The following ARL13A variants were observed in gnomAD, a reference collection of about 807,000 sequenced individuals.
ARL13A encodes ARF like GTPase 13A.
Under a neutral mutation model 19.1 loss-of-function variants are expected in ARL13A, and 16 were observed. That is an observed-to-expected ratio of 0.84 (90% CI 0.57 to 1.27). The LOEUF is 1.27. Ranked by LOEUF, ARL13A falls within the 50% of genes most tolerant of loss-of-function variation. The pLI is 0.00. For missense variants in ARL13A, 153 were observed against 186.4 expected (o/e 0.82, Z 1.04); for synonymous variants, 69 against 71.3 (o/e 0.97, Z 0.17).
chrX:100,981,043 G>C (rs1262966496), intron 3 of ARL13A, among the ~76,000 whole-genome samples: 1 of 111,855 alleles, frequency 8.9e-6, no homozygotes, highest in Non-Finnish European at 1.9e-5. Context: ...TGGTGGGAGG[G>C]GTGACACAAG....
intron 3 of ARL13A, among the ~76,000 whole-genome samples, chrX:100,982,416 C>T (rs1434843326): frequency 9.1e-6 from 1 of 109,945 alleles, no homozygotes; most frequent in African/African-American, 3.3e-5. Flanking sequence ...TGCTTGAACT[C>T]GGGAGGCAAA....
At chrX:100,988,486 A>T in intron 7 of ARL13A, 3 of 1,182,486 alleles carry the variant, frequency 2.5e-6, no homozygotes, top group Non-Finnish European at 3.4e-6. Context: ...TCAGAATACT[A>T]CGAAGCTTTG....
intron 7 of ARL13A, chrX:100,988,609 A>G: frequency 1.2e-6 from 1 of 850,128 alleles, no homozygotes; most frequent in Non-Finnish European, 1.5e-6. Flanking sequence ...GCCTTCCCTA[A>G]CAATTTCTAC....
chrX:100,988,487 C>T lies in ARL13A; in HGVS notation c.744+204C>T, dbSNP rs377041091. The T allele has an allele frequency of 2.0e-5, 23 of 1,176,722 alleles. No individual in the cohort carries two copies. In the Middle Eastern group the frequency reaches 7.1e-4, roughly 37 times the overall value. On this transcript the variant is annotated intron_variant, in intron 7 of 7. Coordinates refer to ENST00000450049, the MANE Select transcript of ARL13A (RefSeq NM_001162491.2). Reference sequence around the variant, plus strand: ...AGGAGAATGAGAGCTCAGAATACTACGAAGCTTTGCTACAATTGAAGGAGT... The same window carrying T: ...AGGAGAATGAGAGCTCAGAATACTATGAAGCTTTGCTACAATTGAAGGAGT...
intron 3 of ARL13A, among the ~76,000 whole-genome samples, chrX:100,983,000 G>C (rs1447837689): frequency 9.0e-6 from 1 of 110,744 alleles, no homozygotes; most frequent in African/African-American, 3.3e-5. Context: ...GATTCATTTG[G>C]TCTGGACTAG....
intron 3 of ARL13A, among the ~76,000 whole-genome samples, chrX:100,981,201 G>A (rs1310550319): frequency 1.8e-5 from 2 of 111,831 alleles, no homozygotes; most frequent in African/African-American, 3.3e-5. Flanking sequence ...GCACCCCAGA[G>A]CACTTCAGGC....
intron 7 of ARL13A, 171 bp from the exon 8 acceptor site, chrX:100,990,391 A>C: frequency 1.1e-6 from 1 of 937,090 alleles, no homozygotes; most frequent in Non-Finnish European, 1.3e-6. Context: ...GGAAACCAAA[A>C]GAAACAGTTG....
chrX:100,988,007 G>A (rs1176445206), intron 6 of ARL13A, among the ~76,000 whole-genome samples, 186 bp from the exon 7 acceptor site: 2 of 111,647 alleles, frequency 1.8e-5, no homozygotes, highest in South Asian at 3.8e-4. Context: ...TTGAAAAGAC[G>A]AAAAAGAAAA....
chrX:100,988,134 A>G (rs751082245), intron 6 of ARL13A, 59 bp from the exon 7 acceptor site: 167 of 952,568 alleles, frequency 1.8e-4, no homozygotes, highest in Non-Finnish European at 2.4e-4. Context: ...GCTGCATTAG[A>G]TAAAGAAGCT....
At chrX:100,973,228 G>A (rs2147960868) in intron 1 of ARL13A, among the ~76,000 whole-genome samples, 1 of 55,728 alleles carries the variant, frequency 1.8e-5, no homozygotes, top group Admixed American at 2.2e-4. Context: ...TCACTTTCCA[G>A]ACTGGGCAGC....
At chrX:100,976,799 C>T (rs549351019) in intron 3 of ARL13A, among the ~76,000 whole-genome samples, 2 of 112,272 alleles carry the variant, frequency 1.8e-5, no homozygotes, top group African/African-American at 6.5e-5. Flanking sequence ...GGTCTCACCA[C>T]GTTGGTCAGG....
At chrX:100,973,631 TAA>T in intron 1 of ARL13A, 43 bp from the exon 2 acceptor site, 1 of 1,145,648 alleles carries the variant, frequency 8.7e-7, no homozygotes, top group Non-Finnish European at 1.2e-6. Context: ...TCAGTGTTTA[TAA>T]CAGGACTTAC....
At chrX:100,983,231 G>A (rs774478700) in intron 3 of ARL13A, among the ~76,000 whole-genome samples, 4 of 110,726 alleles carry the variant, frequency 3.6e-5, no homozygotes, top group African/African-American at 1.3e-4. Context: ...TGAAGGAACT[G>A]GTAAGGTTTC....
intron 3 of ARL13A, among the ~76,000 whole-genome samples, chrX:100,984,281 GTTGTTTT>G (rs2085905977): frequency 9.2e-6 from 1 of 108,976 alleles, no homozygotes; most frequent in Non-Finnish European, 1.9e-5. Context: ...ACCCGGCTAA[GTTGTTTT>G]TTGTTTTTTT....
intron 3 of ARL13A, among the ~76,000 whole-genome samples, chrX:100,981,767 C>A (rs2147969995): frequency 9.3e-6 from 1 of 107,941 alleles, no homozygotes; most frequent in Admixed American, 1.0e-4. Context: ...TGAGACTGAG[C>A]CACTGCACTC....
intron 1 of ARL13A, 127 bp downstream of exon 1, chrX:100,969,936 C>T (rs1190810449): frequency 1.8e-5 from 2 of 112,139 alleles, no homozygotes; most frequent in Non-Finnish European, 3.8e-5. Flanking sequence ...GTCCAGCAAT[C>T]CCTAATTCAA....
chrX:100,986,713 C>G (rs1602466422), intron 4 of ARL13A, 83 bp from the exon 5 acceptor site: 2 of 602,739 alleles, frequency 3.3e-6, no homozygotes, highest in Non-Finnish European at 5.2e-6. Context: ...TTCTCCTCCT[C>G]TTTCCCTTCT....
chrX:100,974,027 C>A, intron 2 of ARL13A, 100 bp from the exon 3 acceptor site: 1 of 697,223 alleles, frequency 1.4e-6, no homozygotes, highest in Non-Finnish European at 2.2e-6. Flanking sequence ...GAGATTACTG[C>A]AGGCAGAGTC....
intron 3 of ARL13A, among the ~76,000 whole-genome samples, chrX:100,982,441 G>A (rs910924835): frequency 2.8e-5 from 3 of 107,694 alleles, no homozygotes; most frequent in Admixed American, 1.0e-4. Context: ...GTAGTGAGAC[G>A]AGATGGTGCC....
Sources: gnomAD v4.1 joint callset for allele counts (sites outside exome capture counted in the v4.1 genomes callset) on GRCh38, gnomAD v4.1.1 for gene constraint, MANE v1.5 for transcripts, NCBI Gene and HGNC (gene_info 2026-07-23, HGNC 2026-07-21) for gene names.